Variants in CDYL observed in about 807,000 individuals in gnomAD.
The protein encoded by CDYL is chromodomain Y-like protein.
A neutral mutation model predicts 47.3 loss-of-function variants in CDYL; 8 were observed. The observed-to-expected ratio is 0.17, with a 90% CI of 0.10 to 0.31. CDYL has a LOEUF of 0.31. CDYL is among the 10% of genes least tolerant of loss of function. The pLI is 1.00. For missense variants in CDYL, 471 were observed against 701.4 expected (o/e 0.67, Z 3.71); for synonymous variants, 266 against 265.0 (o/e 1.00, Z -0.04).
intron 1 of CDYL, among the ~76,000 whole-genome samples, chr6:4,796,325 A>G (rs1169959637): frequency 6.6e-6 from 1 of 152,230 alleles, no homozygotes; most frequent in African/African-American, 2.4e-5. Context: ...GTTTGATGTG[A>G]GAACATTTAC....
chr6:4,930,502 C>T (rs1758001816), intron 2 of CDYL, among the ~76,000 whole-genome samples: 3 of 152,210 alleles, frequency 2.0e-5, no homozygotes, highest in African/African-American at 7.2e-5. Flanking sequence ...TTAGGCTCAC[C>T]ATGTTTGTCT....
At chr6:4,946,185 ATC>A (rs1029869755) in intron 5 of CDYL, among the ~76,000 whole-genome samples, 20 of 152,134 alleles carry the variant, frequency 1.3e-4, no homozygotes, top group Non-Finnish European at 2.8e-4. Context: ...ACCACCAGCC[ATC>A]TCTCAAAGCT....
At chr6:4,770,964 T>C (rs920733971) in intron 3 of CDYL, among the ~76,000 whole-genome samples, 2 of 152,252 alleles carry the variant, frequency 1.3e-5, no homozygotes, top group African/African-American at 4.8e-5. Context: ...TGTGCGTGCA[T>C]ATATAAGCAT....
chr6:4,744,144 G>A (rs903745330), intron 3 of CDYL, among the ~76,000 whole-genome samples: 8 of 152,188 alleles, frequency 5.3e-5, no homozygotes, highest in African/African-American at 1.7e-4. Flanking sequence ...GAGTTGGGAA[G>A]GAGAGTGTCG....
intron 1 of CDYL, among the ~76,000 whole-genome samples, chr6:4,868,956 C>T (rs1761398470): frequency 6.6e-6 from 1 of 152,134 alleles, no homozygotes; most frequent in African/African-American, 2.4e-5. Flanking sequence ...CCCATACAGT[C>T]ACTTCTTATG....
At chr6:4,791,417 A>C (rs776529981) in intron 1 of CDYL, among the ~76,000 whole-genome samples, 1 of 152,238 alleles carries the variant, frequency 6.6e-6, no homozygotes, top group Non-Finnish European at 1.5e-5. Context: ...AGTTCACGTC[A>C]AAATCTGTTT....
At chr6:4,855,010 T>C (rs1270449851) in intron 1 of CDYL, among the ~76,000 whole-genome samples, 1 of 152,224 alleles carries the variant, frequency 6.6e-6, no homozygotes, top group Non-Finnish European at 1.5e-5. Context: ...ATATGAGCTT[T>C]CTTATCAAGT....
intron 1 of CDYL, among the ~76,000 whole-genome samples, chr6:4,862,120 C>T (rs1448758557): frequency 6.6e-6 from 1 of 152,146 alleles, no homozygotes; most frequent in Non-Finnish European, 1.5e-5. Context: ...TCTGTGTGTG[C>T]CAGGTTCTGT....
chr6:4,905,557 T>G (rs1757210158), intron 2 of CDYL, among the ~76,000 whole-genome samples: 1 of 152,098 alleles, frequency 6.6e-6, no homozygotes, highest in Admixed American at 6.5e-5. Flanking sequence ...ACTGCTGAGT[T>G]TGAAGTAGTG....
At chr6:4,728,297 C>T (rs577932889) in intron 2 of CDYL, among the ~76,000 whole-genome samples, 140 of 152,296 alleles carry the variant, frequency 9.2e-4, no homozygotes, top group African/African-American at 3.3e-3. Context: ...TCGGGCTCAC[C>T]CCTGAAGCCA....
At chr6:4,724,231 T>G (rs182438076) in intron 2 of CDYL, among the ~76,000 whole-genome samples, 1 of 151,948 alleles carries the variant, frequency 6.6e-6, no homozygotes, top group Admixed American at 6.5e-5. Flanking sequence ...TTTTTTTAAG[T>G]AGAGACAGGG....
chr6:4,852,503 CCTTCCTTCCAAT>C (rs1425796699), intron 1 of CDYL, among the ~76,000 whole-genome samples: 64 of 120,804 alleles, frequency 5.3e-4, no homozygotes, highest in African/African-American at 1.9e-3. Context: ...AATCTTCCTT[CCTTCCTTCCAAT>C]CTTCCTTCCT....
At chr6:4,905,101 A>G (rs1026579741) in intron 2 of CDYL, among the ~76,000 whole-genome samples, 37 of 152,212 alleles carry the variant, frequency 2.4e-4, no homozygotes, top group African/African-American at 8.7e-4. Context: ...TCCACGTTGG[A>G]TAAACAAAGC....
intron 2 of CDYL, among the ~76,000 whole-genome samples, chr6:4,911,014 T>G (rs1757399102): frequency 6.6e-6 from 1 of 152,060 alleles, no homozygotes; most frequent in Admixed American, 6.5e-5. Context: ...TTTTTTTGTA[T>G]TTTTTAGTAG....
chr6:4,839,176 G>T (rs1760414549), intron 1 of CDYL, among the ~76,000 whole-genome samples: 1 of 152,156 alleles, frequency 6.6e-6, no homozygotes, highest in Non-Finnish European at 1.5e-5. Context: ...GATCATTAGT[G>T]ATGTTGAGCA....
chr6:4,725,577 C>T (rs566826206), intron 2 of CDYL, among the ~76,000 whole-genome samples: 66 of 152,208 alleles, frequency 4.3e-4, no homozygotes, highest in Non-Finnish European at 8.5e-4. Context: ...TGCTGGTGGA[C>T]CTGCACCTCC....
At chr6:4,794,664 G>GCA (rs993677443) in intron 1 of CDYL, among the ~76,000 whole-genome samples, 74 of 152,310 alleles carry the variant, frequency 4.9e-4, no homozygotes, top group African/African-American at 1.8e-3. Flanking sequence ...GCATCGAAGA[G>GCA]CATGGGGTGC....
chr6:4,852,187 G>A (rs1278467507), intron 1 of CDYL, among the ~76,000 whole-genome samples: 3 of 152,054 alleles, frequency 2.0e-5, no homozygotes, highest in African/African-American at 7.2e-5. Context: ...ATCTTCAGTG[G>A]GTGTTACAAT....
intron 2 of CDYL, among the ~76,000 whole-genome samples, chr6:4,931,147 C>G (rs947450735): frequency 1.4e-4 from 22 of 152,154 alleles, no homozygotes; most frequent in African/African-American, 5.3e-4. Context: ...CTTGAAGACC[C>G]TTTCCATGAG....
Sources: allele counts gnomAD v4.1 joint callset (sites outside exome capture counted in the v4.1 genomes callset), GRCh38; gene constraint gnomAD v4.1.1; transcripts MANE v1.5; gene names NCBI Gene and HGNC (gene_info 2026-07-23, HGNC 2026-07-21).